ZNF100: variants seen among roughly 807,000 people sequenced by gnomAD.
ZNF100 encodes zinc finger protein 100 (Y1).
A neutral mutation model predicts 15.8 loss-of-function variants in ZNF100; 12 were observed. That is an observed-to-expected ratio of 0.76 (90% CI 0.49 to 1.23). The LOEUF (loss-of-function observed/expected upper bound fraction) is 1.23, where lower values mean the gene tolerates loss of function less well. Ranked by LOEUF, ZNF100 falls within the 50% of genes most tolerant of loss-of-function variation. ZNF100 has a pLI of 0.00. For synonymous variants in ZNF100, 226 were observed against 214.8 expected (o/e 1.05, Z -0.45); for missense variants, 670 against 635.6 (o/e 1.05, Z -0.58).
chr19:21,732,439 A>G (rs1247722845), intron 4 of ZNF100, among the ~76,000 whole-genome samples: 3 of 152,078 alleles, frequency 2.0e-5, no homozygotes, highest in African/African-American at 7.2e-5. Context: ...GTAGAGGCAA[A>G]CAAACACAGA....
intron 4 of ZNF100, among the ~76,000 whole-genome samples, chr19:21,728,752 G>C (rs759740111): frequency 4.0e-5 from 6 of 150,968 alleles, no homozygotes; most frequent in Non-Finnish European, 5.9e-5. Flanking sequence ...TACAAAATAA[G>C]GCAATATGGT....
At chr19:21,759,771 G>T (rs576147140) in intron 2 of ZNF100, among the ~76,000 whole-genome samples, 23 of 152,162 alleles carry the variant, frequency 1.5e-4, no homozygotes, top group Non-Finnish European at 8.8e-5. Context: ...CACCATAATG[G>T]TCTAAACAGG....
intron 2 of ZNF100, chr19:21,746,997 T>C (rs914961589): frequency 6.6e-6 from 1 of 152,198 alleles, no homozygotes; most frequent in African/African-American, 2.4e-5. Context: ...GACCAAAAAG[T>C]CCACCCATAC....
chr19:21,726,904 A>G lies in ZNF100; in HGVS notation c.1408T>C (p.Ser470Pro), dbSNP rs2145679256. The change falls in exon 5 of 5, where the codon TCA becomes CCA. Residue 470 changes from serine (S) to proline (P), a missense_variant. Physicochemically the swap from Ser to Pro is moderately conservative, Grantham distance 74. Coordinates refer to ENST00000358296, the MANE Select transcript of ZNF100 (RefSeq NM_173531.4). ...ATCATCTTATGTGCAGTTAGTTGTGAGGACCGGTTAAAGGCTTTGCCACAT... is the reference window on the plus strand; with the variant it reads ...ATCATCTTATGTGCAGTTAGTTGTGGGGACCGGTTAAAGGCTTTGCCACAT... ...DECGKAFNRS[S>P]QLTAHKMIHT... The G allele has an allele frequency of 6.2e-7, 1 of 1,611,736 alleles. No individual in the cohort carries two copies. The highest frequency in any genetic ancestry group is 8.5e-7 in the Non-Finnish European group (1 of 1,179,300).
At chr19:21,737,484 G>A (rs1365815220) in intron 4 of ZNF100, among the ~76,000 whole-genome samples, 5 of 151,000 alleles carry the variant, frequency 3.3e-5, no homozygotes, top group African/African-American at 1.2e-4. Context: ...GCAGTGAACC[G>A]AGATTGCACC....
chr19:21,727,865 A>G lies in ZNF100; in HGVS notation c.447T>C (p.Cys149=), dbSNP rs756207514. ...GCACTTTACACTCATCCACACTTTT[A>G]CAGCCTTTTTGTAACTGTAAATTGT... ...GHDNLQLQKG[C]KSVDECKVHK... The change falls in exon 5 of 5, where the codon TGT becomes TGC. Residue 149 remains cysteine (C), a synonymous_variant. Transcript: ENST00000358296. The G allele has an allele frequency of 3.9e-5, 62 of 1,610,292 alleles. No individual in the cohort carries two copies. The highest frequency in any genetic ancestry group is 4.2e-5 in the Non-Finnish European group (50 of 1,178,936).
chr19:21,765,928 C>G (rs2036552549), intron 1 of ZNF100, 142 bp from the exon 2 acceptor site: 3 of 716,660 alleles, frequency 4.2e-6, no homozygotes, highest in South Asian at 3.9e-5. Flanking sequence ...GACACATCAC[C>G]CCATAGATTT....
intron 2 of ZNF100, among the ~76,000 whole-genome samples, chr19:21,749,452 C>G (rs746187617): frequency 1.3e-5 from 2 of 152,086 alleles, no homozygotes; most frequent in Non-Finnish European, 2.9e-5. Flanking sequence ...GCTGATGGCC[C>G]AGTGATAAGC....
Position 21,727,536 on chromosome 19 carries a change from T to A in ZNF100, c.776A>T (p.Lys259Ile). ...TTHRRIHTGE[K>I]PYKCEECGKA... ...CCCACATTCTTCACATTTGTAGGGT[T>A]TCTCTCCAGTATGAATTCTCCTGTG... The change falls in exon 5 of 5, where the codon AAA becomes ATA. Residue 259 changes from lysine (K) to isoleucine (I), a missense_variant. Lys to Ile is a moderately radical substitution (Grantham distance 102). Transcript: ENST00000358296. 1.2e-6 allele frequency: 2 copies of A among 1,613,870 alleles called. No individual in the cohort carries two copies. The highest frequency in any genetic ancestry group is 1.7e-6 in the Non-Finnish European group (2 of 1,179,856).
At position 21,765,707 on chromosome 19, in the gene ZNF100, GACTGC is replaced by G; in HGVS notation, c.78_82del (p.Gln27LeufsTer3). ...TCAAGGGGTTACCTTTTCAAAATAA[GACTGC>G]ACCAGAAGACTCCTCTCAGCCCCAG... On this transcript the variant is annotated frameshift_variant, in exon 2 of 5. Transcript: ENST00000358296. LOFTEE classifies it high-confidence loss of function. The G allele has an allele frequency of 6.2e-7, 1 of 1,614,070 alleles. No individual in the cohort carries two copies. Among genetic ancestry groups the G allele is most frequent in the South Asian group, 1.1e-5 (1 of 91,076 alleles).
At chr19:21,733,549 G>A (rs58873883) in intron 4 of ZNF100, among the ~76,000 whole-genome samples, 12,876 of 152,066 alleles carry the variant, frequency 0.085, 575 homozygotes, top group South Asian at 0.16. Flanking sequence ...CAGGAAATGA[G>A]AAAAGACATA....
At chr19:21,742,613 G>C (rs1358926945) in intron 4 of ZNF100, among the ~76,000 whole-genome samples, 1 of 151,722 alleles carries the variant, frequency 6.6e-6, no homozygotes, top group Non-Finnish European at 1.5e-5. Flanking sequence ...TTTTAACGTA[G>C]GACTGGAAGT....
At position 21,722,802 on chromosome 19, in the gene ZNF100, A is replaced by G. The variant is rs976271834; in HGVS notation, c.*3881T>C. ...TATTATATAAGTATATATTTTAATA[A>G]AAGTATGTTACATAATAAAAAATAA... On this transcript the variant is annotated 3_prime_UTR_variant, in exon 5 of 5. Coordinates refer to ENST00000358296, the MANE Select transcript of ZNF100 (RefSeq NM_173531.4). 1 of 150,902 alleles carries G rather than the reference A, an allele frequency of 6.6e-6. No individual in the cohort carries two copies. Among genetic ancestry groups the G allele is most frequent in the African/African-American group, 2.4e-5 (1 of 41,282 alleles). The allele number at this position is 150,902 out of a possible 1,614,324, so 9.3% of individuals were successfully genotyped here. A position where few individuals can be genotyped will look rare whatever the true frequency, so the allele number is the denominator to read the frequency against.
chr19:21,726,648 G>C lies in ZNF100; in HGVS notation c.*35C>G. On this transcript the variant is annotated 3_prime_UTR_variant, in exon 5 of 5. Transcript: ENST00000358296. The stretch of plus-strand genomic sequence containing the variant: ...GTATGAATTTTTTTATGTTTAGTAA[G>C]AGTTGAGGACTGGTAAAAGGCTTTG... 1 of 1,560,614 alleles carries C rather than the reference G, an allele frequency of 6.4e-7. No homozygotes were observed. Among genetic ancestry groups the C allele is most frequent in the Non-Finnish European group, 8.7e-7 (1 of 1,153,100 alleles).
At chr19:21,744,724 T>G (rs1599391406) in intron 3 of ZNF100, among the ~76,000 whole-genome samples, 1 of 152,154 alleles carries the variant, frequency 6.6e-6, no homozygotes, top group East Asian at 1.9e-4. Flanking sequence ...TTACCACTAA[T>G]CTAGAGTGAA....
Position 21,726,001 on chromosome 19 carries a change from G to GT in ZNF100, c.*681dup, listed in dbSNP as rs1439734360. 2 of 145,560 alleles carry GT rather than the reference G, an allele frequency of 1.4e-5. No individual in the cohort carries two copies. Among genetic ancestry groups the GT allele is most frequent in the Non-Finnish European group, 3.1e-5 (2 of 65,562 alleles). The allele number at this position is 145,560 out of a possible 1,614,324, so 9.0% of individuals were successfully genotyped here. On this transcript the variant is annotated 3_prime_UTR_variant, in exon 5 of 5. Transcript: ENST00000358296. ...TTTCCAACTTTATTACATTCGCACAGTTTTTTTCAATATAAATTCCCTGAT... is the reference window on the plus strand; with the variant it reads ...TTTCCAACTTTATTACATTCGCACAGTTTTTTTTCAATATAAATTCCCTGAT...
intron 1 of ZNF100, among the ~76,000 whole-genome samples, chr19:21,767,027 A>G (rs1346538093): frequency 6.6e-6 from 1 of 151,838 alleles, no homozygotes. Context: ...TTGTGCAGTG[A>G]CTCCCATACA....
chr19:21,726,608 C>T lies in ZNF100; in HGVS notation c.*75G>A. 1 of 1,322,316 alleles carries T rather than the reference C, an allele frequency of 7.6e-7. No homozygotes were observed. 81.9% of individuals were successfully genotyped at this position (1,322,316 alleles called of 1,614,324 possible). On this transcript the variant is annotated 3_prime_UTR_variant, in exon 5 of 5. Coordinates refer to ENST00000358296, the MANE Select transcript of ZNF100 (RefSeq NM_173531.4). Reference sequence around the variant, plus strand: ...GGCTTTGCCATATTCTTCACAGTCACAGGAGTTCCCTCCAGTATGAATTTT... The same window carrying T: ...GGCTTTGCCATATTCTTCACAGTCATAGGAGTTCCCTCCAGTATGAATTTT...
At chr19:21,746,875 T>G (rs1389313834) in intron 2 of ZNF100, 1 of 152,134 alleles carries the variant, frequency 6.6e-6, no homozygotes, top group Admixed American at 6.5e-5. Flanking sequence ...TGGAATCCTT[T>G]TCAGATGAAA....
Sources: gnomAD v4.1 joint callset for allele counts (sites outside exome capture counted in the v4.1 genomes callset) on GRCh38, gnomAD v4.1.1 for gene constraint, MANE v1.5 for transcripts, NCBI Gene and HGNC (gene_info 2026-07-23, HGNC 2026-07-21) for gene names.